KHDRBS2: variants seen among roughly 807,000 people sequenced by gnomAD.
KHDRBS2 encodes KH domain-containing, RNA-binding, signal transduction-associated protein 2.
Under a neutral mutation model 44.3 loss-of-function variants are expected in KHDRBS2, and 26 were observed. The ratio of observed to expected loss-of-function variants is 0.59; its 90% CI spans 0.43 to 0.81. KHDRBS2 has a LOEUF of 0.81. Among genes scored for constraint, KHDRBS2 ranks in the 40% least tolerant of loss-of-function variants. The pLI is 0.00. For missense variants in KHDRBS2, 476 were observed against 433.1 expected (o/e 1.10, Z -0.88); for synonymous variants, 194 against 151.1 (o/e 1.28, Z -2.08).
chr6:61,939,948 T>C (rs141305993), intron 4 of KHDRBS2, among the ~76,000 whole-genome samples: 1 of 152,174 alleles, frequency 6.6e-6, no homozygotes, highest in Non-Finnish European at 1.5e-5. Context: ...AAAATAAATG[T>C]ACCCTTTTTT....
At chr6:62,079,518 A>T (rs1355177117) in intron 2 of KHDRBS2, among the ~76,000 whole-genome samples, 1 of 152,074 alleles carries the variant, frequency 6.6e-6, no homozygotes, top group African/African-American at 2.4e-5. Context: ...TTAGAAAAAC[A>T]CTATACAATA....
the KHDRBS2 span, among the ~76,000 whole-genome samples, chr6:61,661,963 A>C: frequency 6.6e-6 from 1 of 151,352 alleles, no homozygotes; most frequent in East Asian, 2.0e-4. Flanking sequence ...CAAAAGAACA[A>C]AGCTGGAGGC....
At chr6:61,938,115 CATAAAT>C (rs1376351777) in intron 4 of KHDRBS2, among the ~76,000 whole-genome samples, 2 of 151,960 alleles carry the variant, frequency 1.3e-5, no homozygotes, top group African/African-American at 2.4e-5. Flanking sequence ...GGAGTCTAGG[CATAAAT>C]ATAAATATAA....
chr6:61,735,712 A>G (rs560472153), intron 6 of KHDRBS2, among the ~76,000 whole-genome samples: 2 of 152,268 alleles, frequency 1.3e-5, no homozygotes, highest in South Asian at 2.1e-4. Flanking sequence ...TTTTGAAAGA[A>G]TGTTACATAT....
intron 3 of KHDRBS2, among the ~76,000 whole-genome samples, chr6:62,022,078 C>T (rs974974905): frequency 5.3e-5 from 8 of 150,050 alleles, no homozygotes; most frequent in African/African-American, 2.0e-4. Context: ...TTTCCAAATG[C>T]TAGATCAAGT....
intron 3 of KHDRBS2, among the ~76,000 whole-genome samples, chr6:62,046,313 T>C (rs913936267): frequency 6.6e-6 from 1 of 151,974 alleles, no homozygotes. Context: ...TAAAAATATG[T>C]ATCCATCTGT....
At chr6:61,548,344 A>G in the KHDRBS2 span, among the ~76,000 whole-genome samples, 1 of 152,260 alleles carries the variant, frequency 6.6e-6, no homozygotes, top group Non-Finnish European at 1.5e-5. Context: ...AAATCATTAG[A>G]GCTCAAATTA....
chr6:61,820,268 T>C (rs1199219635), intron 6 of KHDRBS2, among the ~76,000 whole-genome samples: 2 of 152,064 alleles, frequency 1.3e-5, no homozygotes, highest in African/African-American at 4.8e-5. Flanking sequence ...TGAGGGATGA[T>C]GATGGCTCAG....
chr6:61,785,917 A>C lies in KHDRBS2; in HGVS notation c.811-53153T>G, dbSNP rs200687322. Among the ~76,000 whole-genome samples the C allele has an allele frequency of 2.0e-5, 3 of 152,078 alleles. No homozygotes were observed. In the East Asian group the frequency reaches 5.8e-4, roughly 29 times the overall value. ...CTTCCAATTGTATTCAGTTTAACTT[A>C]TTCAGGCAAATATAGTCACTAATTA... On this transcript the variant is annotated intron_variant, in intron 6 of 8. Coordinates refer to ENST00000281156, the MANE Select transcript of KHDRBS2 (RefSeq NM_152688.4).
chr6:61,716,341 G>T (rs1251325874), intron 7 of KHDRBS2, among the ~76,000 whole-genome samples: 3 of 151,966 alleles, frequency 2.0e-5, no homozygotes, highest in South Asian at 2.1e-4. Context: ...AGCCTTTGCA[G>T]CTGCGGCCCC....
At chr6:61,991,391 A>G (rs1776113956) in intron 3 of KHDRBS2, among the ~76,000 whole-genome samples, 1 of 152,190 alleles carries the variant, frequency 6.6e-6, no homozygotes, top group Non-Finnish European at 1.5e-5. Flanking sequence ...CTATTTCAAG[A>G]AGAGGAATCC....
At chr6:61,554,695 C>T in the KHDRBS2 span, among the ~76,000 whole-genome samples, 49 of 152,258 alleles carry the variant, frequency 3.2e-4, no homozygotes, top group East Asian at 8.3e-3. Context: ...TCTTGTAAGG[C>T]AAATCTCGTG....
At position 61,868,747 on chromosome 6, in the gene KHDRBS2, G is replaced by T. The variant is rs532164906; in HGVS notation, c.810+25888C>A. 9.2e-5 allele frequency among the ~76,000 whole-genome samples: 14 copies of T among 152,290 alleles called. No individual in the cohort carries two copies. The South Asian group carries it at 2.7e-3, about 29-fold the overall frequency. ...CCCACCCCTCCCCCACCAAGGAGTT[G>T]GGTCCAGTCTCAGGTAAGCCACAGG... On this transcript the variant is annotated intron_variant, in intron 6 of 8. Transcript: ENST00000281156.
intron 2 of KHDRBS2, among the ~76,000 whole-genome samples, chr6:62,094,198 T>C (rs1272955978): frequency 6.6e-6 from 1 of 151,890 alleles, no homozygotes; most frequent in African/African-American, 2.4e-5. Flanking sequence ...TCCCCAACAT[T>C]TGTTACATTT....
chr6:61,562,305 G>A, the KHDRBS2 span, among the ~76,000 whole-genome samples: 2 of 152,126 alleles, frequency 1.3e-5, no homozygotes, highest in African/African-American at 4.8e-5. Flanking sequence ...TTGGACTTTG[G>A]TAAGTTATGC....
chr6:61,820,783 T>C (rs536410615), intron 6 of KHDRBS2, among the ~76,000 whole-genome samples: 11 of 152,190 alleles, frequency 7.2e-5, no homozygotes, highest in African/African-American at 2.6e-4. Flanking sequence ...TCTCCATGCA[T>C]GTGGGACACA....
intron 3 of KHDRBS2, among the ~76,000 whole-genome samples, chr6:62,018,589 C>T (rs1389206847): frequency 6.6e-6 from 1 of 152,242 alleles, no homozygotes; most frequent in South Asian, 2.1e-4. Flanking sequence ...TCGTGATCCG[C>T]GCGCCTTGGC....
intron 6 of KHDRBS2, among the ~76,000 whole-genome samples, chr6:61,888,238 T>G (rs1801262286): frequency 6.6e-6 from 1 of 152,060 alleles, no homozygotes; most frequent in Admixed American, 6.6e-5. Context: ...GGCTGATGAG[T>G]GGTAGATCCC....
At chr6:61,546,048 A>T in the KHDRBS2 span, among the ~76,000 whole-genome samples, 1 of 152,146 alleles carries the variant, frequency 6.6e-6, no homozygotes, top group Non-Finnish European at 1.5e-5. Context: ...GCTGACTAAT[A>T]CAGTCTCTCT....
Sources: gnomAD v4.1 joint callset for allele counts (sites outside exome capture counted in the v4.1 genomes callset) on GRCh38, gnomAD v4.1.1 for gene constraint, MANE v1.5 for transcripts, NCBI Gene and HGNC (gene_info 2026-07-23, HGNC 2026-07-21) for gene names.